SH3GL2: variants seen among roughly 807,000 people sequenced by gnomAD.
SH3GL2 encodes endophilin-A1.
Under a neutral mutation model 46.0 loss-of-function variants are expected in SH3GL2, and 24 were observed. The ratio of observed to expected loss-of-function variants is 0.52; its 90% CI spans 0.38 to 0.73. The LOEUF (loss-of-function observed/expected upper bound fraction) is 0.73, where lower values mean the gene tolerates loss of function less well. SH3GL2 is among the 30% of genes least tolerant of loss of function. SH3GL2 has a pLI of 0.00. For missense variants in SH3GL2, 413 were observed against 424.2 expected (o/e 0.97, Z 0.23); for synonymous variants, 196 against 147.1 (o/e 1.33, Z -2.40).
chr9:17,732,536 T>C (rs1822212877), intron 1 of SH3GL2, among the ~76,000 whole-genome samples: 1 of 152,096 alleles, frequency 6.6e-6, no homozygotes, highest in Non-Finnish European at 1.5e-5. Flanking sequence ...AGAAAGTTTG[T>C]AGAGGCATTC....
chr9:17,769,442 A>G lies in SH3GL2; in HGVS notation c.187+7933A>G, dbSNP rs142647584. 5.7e-3 allele frequency among the ~76,000 whole-genome samples: 865 copies of G among 152,188 alleles called. 7 individuals carry two copies. The highest frequency in any genetic ancestry group is 0.031 in the Middle Eastern group (9 of 294). On this transcript the variant is annotated intron_variant, in intron 3 of 8. Coordinates refer to ENST00000380607, the MANE Select transcript of SH3GL2 (RefSeq NM_003026.5). ...GCCAGTTCCATCCATTAAAGATGTA[A>G]TTCACATCTTGTCACTCCTCTGCTT...
intron 1 of SH3GL2, among the ~76,000 whole-genome samples, chr9:17,726,478 T>G (rs1822023213): frequency 6.6e-6 from 1 of 152,170 alleles, no homozygotes; most frequent in Admixed American, 6.5e-5. Flanking sequence ...TTGGGCACTG[T>G]AGGGCTTTGC....
Position 17,710,601 on chromosome 9 carries a change from C to T in SH3GL2, c.46-36465C>T, listed in dbSNP as rs115989830. The stretch of plus-strand genomic sequence containing the variant: ...GAGACTTGAGCAGATATTTGTACAT[C>T]CATGTTCACAGCAACATTATTCATG... On this transcript the variant is annotated intron_variant, in intron 1 of 8. Transcript: ENST00000380607. 5.6e-3 allele frequency among the ~76,000 whole-genome samples: 859 copies of T among 152,074 alleles called. 8 individuals are homozygous for T. Among genetic ancestry groups the T allele is most frequent in the African/African-American group, 0.02 (815 of 41,512 alleles).
At chr9:17,715,896 T>C (rs1821744490) in intron 1 of SH3GL2, among the ~76,000 whole-genome samples, 2 of 152,076 alleles carry the variant, frequency 1.3e-5, no homozygotes, top group Admixed American at 1.3e-4. Context: ...TGTAAGAAAG[T>C]GGTGAATATC....
rs1355324311 is a variant in SH3GL2 at position 17,610,212 on chromosome 9, C to G, written c.45+30925C>G. On this transcript the variant is annotated intron_variant, in intron 1 of 8. Transcript: ENST00000380607. ...TAAATAGCAAAATGCACATAAGTGT[C>G]TGGCGTAGAGTAAGTGATAGCTTCC... Among the ~76,000 whole-genome samples, 7 of 152,314 alleles carry G rather than the reference C, an allele frequency of 4.6e-5. No homozygotes were observed. In the East Asian group the frequency reaches 1.4e-3, roughly 29 times the overall value.
intron 3 of SH3GL2, among the ~76,000 whole-genome samples, chr9:17,785,031 A>G (rs556520807): frequency 3.3e-5 from 5 of 152,166 alleles, no homozygotes; most frequent in South Asian, 2.1e-4. Flanking sequence ...CTATTTTTCA[A>G]ACTTAACATA....
chr9:17,635,494 G>A (rs950426657), intron 1 of SH3GL2, among the ~76,000 whole-genome samples: 7 of 152,208 alleles, frequency 4.6e-5, no homozygotes, highest in South Asian at 2.1e-4. Flanking sequence ...AGTTGAGCAC[G>A]TGGCTGACTC....
intron 1 of SH3GL2, among the ~76,000 whole-genome samples, chr9:17,623,727 C>T (rs1277027750): frequency 6.7e-6 from 1 of 150,278 alleles, no homozygotes; most frequent in Non-Finnish European, 1.5e-5. Context: ...CACACACACA[C>T]ACACACACAC....
At chr9:17,697,227 C>CTTTTT (rs201644889) in intron 1 of SH3GL2, among the ~76,000 whole-genome samples, 4 of 144,498 alleles carry the variant, frequency 2.8e-5, no homozygotes, top group African/African-American at 7.6e-5. Context: ...AAATGCATTT[C>CTTTTT]TTTTTTTTTT....
At chr9:17,741,611 A>G (rs976847860) in intron 1 of SH3GL2, among the ~76,000 whole-genome samples, 5 of 152,232 alleles carry the variant, frequency 3.3e-5, no homozygotes, top group Non-Finnish European at 7.3e-5. Flanking sequence ...CTCATAGTTA[A>G]GGGTCCTTAT....
At chr9:17,579,518 GGCGTCCTGCCTGGTAGCGCTGCTC>G (rs1818234203) in intron 1 of SH3GL2, among the ~76,000 whole-genome samples, 1 of 151,992 alleles carries the variant, frequency 6.6e-6, no homozygotes, top group South Asian at 2.1e-4. Flanking sequence ...GCGGGTCCCC[GGCGTCCTGCCTGGTAGCGCTGCTC>G]GCCGCCCCCG....
At chr9:17,746,449 G>A (rs4338205) in intron 1 of SH3GL2, among the ~76,000 whole-genome samples, 17,081 of 152,202 alleles carry the variant, frequency 0.11, 1,154 homozygotes, top group Admixed American at 0.23. Context: ...AACATAAAAT[G>A]TATCATAATG....
chr9:17,717,959 G>C (rs891326720), intron 1 of SH3GL2, among the ~76,000 whole-genome samples: 2 of 152,084 alleles, frequency 1.3e-5, no homozygotes, highest in Admixed American at 6.6e-5. Flanking sequence ...GTGCCAACAG[G>C]GGGTGGAAAC....
At chr9:17,670,807 G>A (rs1820456058) in intron 1 of SH3GL2, among the ~76,000 whole-genome samples, 2 of 152,022 alleles carry the variant, frequency 1.3e-5, no homozygotes, top group South Asian at 4.1e-4. Context: ...TGAAATAATG[G>A]GACTTACATA....
chr9:17,690,713 T>G (rs1821054294), intron 1 of SH3GL2, among the ~76,000 whole-genome samples: 1 of 152,130 alleles, frequency 6.6e-6, no homozygotes, highest in Non-Finnish European at 1.5e-5. Flanking sequence ...GTCACATTTA[T>G]TAAGAATAAC....
intron 1 of SH3GL2, among the ~76,000 whole-genome samples, chr9:17,623,356 T>A (rs912137778): frequency 6.6e-6 from 1 of 152,074 alleles, no homozygotes; most frequent in African/African-American, 2.4e-5. Flanking sequence ...ATATGTGGCC[T>A]TAGGTGTTGT....
intron 1 of SH3GL2, among the ~76,000 whole-genome samples, chr9:17,615,813 A>C (rs901654866): frequency 1.3e-5 from 2 of 151,978 alleles, no homozygotes; most frequent in South Asian, 4.1e-4. Context: ...GAAAATTTTT[A>C]ATGCTAACTT....
chr9:17,790,658 A>G (rs1330468576), intron 6 of SH3GL2, among the ~76,000 whole-genome samples: 2 of 152,160 alleles, frequency 1.3e-5, no homozygotes, highest in Non-Finnish European at 2.9e-5. Context: ...ATAATGTGAA[A>G]CATAAAATCA....
intron 1 of SH3GL2, among the ~76,000 whole-genome samples, chr9:17,611,781 G>T (rs1035645892): frequency 9.9e-5 from 15 of 152,104 alleles, no homozygotes; most frequent in African/African-American, 3.6e-4. Context: ...CATTGCCTTG[G>T]GCTCTGTCTT....
Sources: allele counts gnomAD v4.1 joint callset (sites outside exome capture counted in the v4.1 genomes callset), GRCh38; gene constraint gnomAD v4.1.1; transcripts MANE v1.5; gene names NCBI Gene and HGNC (gene_info 2026-07-23, HGNC 2026-07-21).